The following ACTR3B variants were observed in gnomAD, a reference collection of about 807,000 sequenced individuals.
ACTR3B encodes actin related protein 3B.
Under a neutral mutation model 59.0 loss-of-function variants are expected in ACTR3B, and 8 were observed. The ratio of observed to expected loss-of-function variants is 0.14; its 90% CI spans 0.08 to 0.24. The LOEUF (loss-of-function observed/expected upper bound fraction) is 0.24, where lower values mean the gene tolerates loss of function less well. ACTR3B is among the 10% of genes least tolerant of loss of function. ACTR3B has a pLI of 1.00. For synonymous variants in ACTR3B, 148 were observed against 197.9 expected, an observed-to-expected ratio of 0.75 and a Z score of 2.12; for missense variants, 245 against 552.3, an observed-to-expected ratio of 0.44 and a Z score of 5.58.
chr7:152,761,165 G>C (rs1479087961), intron 1 of ACTR3B, among the ~76,000 whole-genome samples: 2 of 152,110 alleles, frequency 1.3e-5, no homozygotes, highest in Middle Eastern at 3.2e-3. Flanking sequence ...GTCATATCAA[G>C]CTTTGTAGCT....
At chr7:152,797,582 C>T (rs1346329374) in intron 2 of ACTR3B, among the ~76,000 whole-genome samples, 1 of 152,158 alleles carries the variant, frequency 6.6e-6, no homozygotes, top group Non-Finnish European at 1.5e-5. Context: ...AATATATCGT[C>T]ATTAACTGTT....
chr7:152,823,071 A>G (rs546549478), intron 7 of ACTR3B, among the ~76,000 whole-genome samples: 16 of 152,304 alleles, frequency 1.1e-4, no homozygotes, highest in South Asian at 4.1e-4. Flanking sequence ...ATCATTTCAG[A>G]TATGATAGCG....
chr7:152,830,075 A>C (rs2116902470), intron 9 of ACTR3B, among the ~76,000 whole-genome samples: 1 of 152,364 alleles, frequency 6.6e-6, no homozygotes, highest in South Asian at 2.1e-4. Flanking sequence ...AATTATGGTA[A>C]TTGAGAGAAG....
At chr7:152,797,588 CTG>C (rs2098221735) in intron 2 of ACTR3B, among the ~76,000 whole-genome samples, 1 of 152,160 alleles carries the variant, frequency 6.6e-6, no homozygotes, top group African/African-American at 2.4e-5. Context: ...TCGTCATTAA[CTG>C]TTGTCACGTC....
At chr7:152,807,737 A>G (rs2531024) in intron 4 of ACTR3B, among the ~76,000 whole-genome samples, 2 of 152,030 alleles carry the variant, frequency 1.3e-5, no homozygotes, top group African/African-American at 4.8e-5. Context: ...GACCTTATAC[A>G]TTTTTCCACA....
intron 4 of ACTR3B, chr7:152,812,680 T>C (rs941406445): frequency 2.0e-5 from 3 of 147,582 alleles, no homozygotes; most frequent in African/African-American, 4.9e-5. Flanking sequence ...GTAACATACT[T>C]GATTGACACT....
At chr7:152,852,322 A>C (rs569167262) in intron 10 of ACTR3B, 71 bp downstream of exon 10, 150 of 1,524,548 alleles carry the variant, frequency 9.8e-5, no homozygotes, top group Non-Finnish European at 1.3e-4. Context: ...CTCCTGACAC[A>C]GAGCCGAAGG....
intron 5 of ACTR3B, among the ~76,000 whole-genome samples, chr7:152,815,641 CT>C (rs1795630687): frequency 6.6e-6 from 1 of 152,218 alleles, no homozygotes; most frequent in South Asian, 2.1e-4. Context: ...CCTCTGCCCA[CT>C]GGAAGACAGC....
chr7:152,789,328 G>A (rs1049090313), intron 2 of ACTR3B, among the ~76,000 whole-genome samples: 7 of 149,148 alleles, frequency 4.7e-5, no homozygotes, highest in South Asian at 2.2e-4. Flanking sequence ...GGAGATCGAG[G>A]CTGGAGTGAG....
chr7:152,839,085 G>C (rs1172584301), intron 9 of ACTR3B, among the ~76,000 whole-genome samples: 1 of 150,658 alleles, frequency 6.6e-6, no homozygotes, highest in East Asian at 2.0e-4. Flanking sequence ...GCTAGACGGT[G>C]AGCAGTGCCA....
rs1374038185 is a variant in ACTR3B at position 152,853,717 on chromosome 7, T to A, written c.1161+140T>A. On this transcript the variant is annotated intron_variant, in intron 11 of 11. Coordinates refer to ENST00000256001, the MANE Select transcript of ACTR3B (RefSeq NM_020445.6). ...AGACCATTCTGTAAGATATAAATTA[T>A]ATCTTTTTTGTTTTTTCGAGATGGA... The A allele has an allele frequency of 6.8e-6, 5 of 739,336 alleles. No individual in the cohort carries two copies. The African/African-American group carries it at 8.9e-5, about 13-fold the overall frequency. The allele number at this position is 739,336 out of a possible 1,614,324, so 45.8% of individuals were successfully genotyped here. A position where few individuals can be genotyped will look rare whatever the true frequency, so the allele number is the denominator to read the frequency against.
chr7:152,783,448 T>TCAG (rs2098161484), intron 2 of ACTR3B, among the ~76,000 whole-genome samples: 1 of 151,920 alleles, frequency 6.6e-6, no homozygotes, highest in Non-Finnish European at 1.5e-5. Context: ...GCTTGGATAG[T>TCAG]CAGCAGGGTC....
chr7:152,820,467 G>A (rs114295156), intron 7 of ACTR3B, 25 bp downstream of exon 7: 8 of 1,569,218 alleles, frequency 5.1e-6, no homozygotes, highest in East Asian at 2.3e-5. Context: ...GAAACCGGCC[G>A]GTTTGGGGGT....
At chr7:152,789,997 C>T (rs200423299) in intron 2 of ACTR3B, among the ~76,000 whole-genome samples, 119 of 102,782 alleles carry the variant, frequency 1.2e-3, no homozygotes, top group African/African-American at 3.7e-3. Flanking sequence ...TGTACTCTTT[C>T]TTTTTTTTTT....
In ACTR3B at chr7:152,806,439, A is replaced by T. The variant is rs537426238; in HGVS notation, c.336+4708A>T. 9.2e-5 allele frequency among the ~76,000 whole-genome samples: 14 copies of T among 152,374 alleles called. No individual in the cohort carries two copies. The East Asian group carries it at 2.7e-3, about 29-fold the overall frequency. On this transcript the variant is annotated intron_variant, in intron 4 of 11. Transcript: ENST00000256001. ...AGTGTTTTTGGCAGCAAGTAATAGA[A>T]GTATAAAAGCAGTAGTTTAAAAAAG... is the stretch of plus-strand genomic sequence containing the variant.
rs942581642 is a variant in ACTR3B, at chr7:152,854,734, G to C, written c.*181G>C. The C allele has an allele frequency of 3.0e-5, 17 of 575,002 alleles. No individual in the cohort carries two copies. Among genetic ancestry groups the C allele is most frequent in the Non-Finnish European group, 4.0e-5 (13 of 327,746 alleles). The allele number at this position is 575,002 out of a possible 1,614,324, so 35.6% of individuals were successfully genotyped here. A position where few individuals can be genotyped will look rare whatever the true frequency, so the allele number is the denominator to read the frequency against. ...AGTAAAAGCCATTTATCCGTGTGCC[G>C]ACCGCTGTCTGCCAGCCTCCTCCTT... is the stretch of plus-strand genomic sequence containing the variant. On this transcript the variant is annotated 3_prime_UTR_variant, in exon 12 of 12. Transcript: ENST00000256001. The surrounding 1 kb of genome is among the most constrained non-coding windows in gnomAD (Gnocchi z 4.9).
chr7:152,801,093 T>C (rs1251951684), intron 3 of ACTR3B, among the ~76,000 whole-genome samples: 2 of 152,420 alleles, frequency 1.3e-5, no homozygotes, highest in African/African-American at 2.4e-5. Flanking sequence ...TGTTGTTGTT[T>C]TTTTAGAGAT....
In ACTR3B at chr7:152,831,333, C is replaced by T. The variant is rs549410877; in HGVS notation, c.951+6211C>T. Among the ~76,000 whole-genome samples, 24 of 152,280 alleles carry T rather than the reference C, an allele frequency of 1.6e-4. No homozygotes were observed. In the East Asian group the frequency reaches 4.1e-3, roughly 26 times the overall value. ...ACCTGCAGAGCGCCAGGTCCCACTG[C>T]GGGCGCTGAGCAGCCAGGGCATGTC... On this transcript the variant is annotated intron_variant, in intron 9 of 11. Coordinates refer to ENST00000256001, the MANE Select transcript of ACTR3B (RefSeq NM_020445.6).
In ACTR3B at chr7:152,847,279, T is replaced by G. The variant is rs530236465; in HGVS notation, c.952-4847T>G. 7.9e-5 allele frequency among the ~76,000 whole-genome samples: 12 copies of G among 152,344 alleles called. No individual in the cohort carries two copies. The East Asian group carries it at 2.1e-3, about 27-fold the overall frequency. ...CCGCAGGGCTCACCGTGATGTTTTC[T>G]TCGCGTCTGTAGCTCAGTGTCTTTA... On this transcript the variant is annotated intron_variant, in intron 9 of 11. Transcript: ENST00000256001.
Sources: gnomAD v4.1 joint callset for allele counts (sites outside exome capture counted in the v4.1 genomes callset) on GRCh38, gnomAD v4.1.1 for gene constraint, Gnocchi (gnomAD v3.1) non-coding constraint, MANE v1.5 for transcripts, NCBI Gene and HGNC (gene_info 2026-07-23, HGNC 2026-07-21) for gene names.